Variants in PI15 observed in about 807,000 individuals in gnomAD.
PI15 encodes the protein peptidase inhibitor 15.
PI15 carries 18 observed loss-of-function variants against 31.0 expected under a neutral mutation model. The observed-to-expected ratio is 0.58, with a 90% CI of 0.40 to 0.86. PI15 has a LOEUF of 0.86. PI15 is among the 40% of genes least tolerant of loss of function. The pLI is 0.00. For synonymous variants in PI15, 118 were observed against 119.1 expected (o/e 0.99, Z 0.06); for missense variants, 282 against 328.1 (o/e 0.86, Z 1.09).
At chr8:74,842,281 C>T (rs1810956131) in intron 2 of PI15, among the ~76,000 whole-genome samples, 1 of 152,108 alleles carries the variant, frequency 6.6e-6, no homozygotes, top group South Asian at 2.1e-4. Flanking sequence ...CTCATATAAG[C>T]TCCATGTAAA....
chr8:74,830,542 C>A (rs1387069295), intron 2 of PI15, among the ~76,000 whole-genome samples: 1 of 151,924 alleles, frequency 6.6e-6, no homozygotes, highest in Non-Finnish European at 1.5e-5. Context: ...GAACTATTTG[C>A]CTAGGATGAT....
At chr8:74,839,545 TTCC>T (rs1810915736) in intron 2 of PI15, among the ~76,000 whole-genome samples, 1 of 152,180 alleles carries the variant, frequency 6.6e-6, no homozygotes. Context: ...TTCTTAATTT[TTCC>T]TCATTTTTAA....
chr8:74,834,578 G>C (rs1810834968), intron 2 of PI15, among the ~76,000 whole-genome samples: 1 of 152,146 alleles, frequency 6.6e-6, no homozygotes, highest in South Asian at 2.1e-4. Context: ...GATTTCTGAA[G>C]ATCCTGGAAA....
chr8:74,854,118 CT>C lies in PI15; in HGVS notation c.*4868del, dbSNP rs944474839. On this transcript the variant is annotated 3_prime_UTR_variant, in exon 6 of 6. Transcript: ENST00000260113. ...ACTAATGTATTATTCCATTCAAAGT[CT>C]TTCTAGATTTAAAAATGTATGCAAA... 5.3e-5 allele frequency: 8 copies of C among 151,864 alleles called. No homozygotes were observed. Among genetic ancestry groups the C allele is most frequent in the African/African-American group, 1.9e-4 (8 of 41,396 alleles). 9.4% of individuals were successfully genotyped at this position (151,864 alleles called of 1,614,324 possible).
intron 2 of PI15, among the ~76,000 whole-genome samples, chr8:74,834,319 A>G (rs1309808044): frequency 1.3e-5 from 2 of 152,174 alleles, no homozygotes; most frequent in Admixed American, 6.6e-5. Context: ...GTGGAATCAA[A>G]TCTTTCTCTT....
chr8:74,832,161 GGTTTACA>G (rs1484307927), intron 2 of PI15, among the ~76,000 whole-genome samples: 5 of 152,126 alleles, frequency 3.3e-5, no homozygotes, highest in Non-Finnish European at 1.5e-5. Flanking sequence ...AGGAGTAAGT[GGTTTACA>G]TGATGAAGTA....
intron 2 of PI15, among the ~76,000 whole-genome samples, chr8:74,827,710 CT>C (rs1452186891): frequency 6.6e-6 from 1 of 152,194 alleles, no homozygotes; most frequent in Admixed American, 6.6e-5. Flanking sequence ...GGCAGGACCC[CT>C]GAAGATGTAC....
chr8:74,854,500 C>G lies in PI15; in HGVS notation c.*5247C>G, dbSNP rs1329414321. On this transcript the variant is annotated 3_prime_UTR_variant, in exon 6 of 6. Transcript: ENST00000260113. ...AGCAACATTAATCTAAATGGTTTAG[C>G]TCCCTCTTTTTTCTCTAAAAACAAT... is the stretch of plus-strand genomic sequence containing the variant. The G allele has an allele frequency of 6.6e-6, 1 of 151,998 alleles. No individual in the cohort carries two copies. Among genetic ancestry groups the G allele is most frequent in the East Asian group, 1.9e-4 (1 of 5,182 alleles). The allele number at this position is 151,998 out of a possible 1,614,324, so 9.4% of individuals were successfully genotyped here.
At chr8:74,844,232 G>A (rs898095417) in intron 3 of PI15, 133 bp downstream of exon 3, 3 of 672,840 alleles carry the variant, frequency 4.5e-6, no homozygotes, top group South Asian at 1.8e-5. Context: ...AGGTACTAAC[G>A]CTTGGCCTAT....
intron 2 of PI15, among the ~76,000 whole-genome samples, chr8:74,840,425 A>C (rs531486701): frequency 1.3e-5 from 2 of 152,212 alleles, no homozygotes; most frequent in Admixed American, 6.5e-5. Context: ...GTCAGTTTCA[A>C]ACTTAAAAGA....
intron 2 of PI15, among the ~76,000 whole-genome samples, chr8:74,827,449 T>C (rs1022484882): frequency 6.6e-5 from 10 of 152,280 alleles, no homozygotes; most frequent in Non-Finnish European, 1.5e-5. Context: ...TGCTTCCGTA[T>C]GCCAAGGACT....
At chr8:74,848,732 T>TATATATATATATATAGAGAGAG (rs1191072583) in intron 5 of PI15, among the ~76,000 whole-genome samples, 1 of 136,354 alleles carries the variant, frequency 7.3e-6, no homozygotes, top group African/African-American at 2.8e-5. Context: ...TATATATATA[T>TATATATATATATATAGAGAGAG]AGAGAGAGAG....
At chr8:74,837,098 A>C (rs1006347801) in intron 2 of PI15, among the ~76,000 whole-genome samples, 1 of 152,156 alleles carries the variant, frequency 6.6e-6, no homozygotes, top group African/African-American at 2.4e-5. Flanking sequence ...ATTTACATGA[A>C]AGATAATACT....
intron 3 of PI15, chr8:74,844,923 A>G (rs1811002121): frequency 3.6e-6 from 2 of 548,366 alleles, no homozygotes; most frequent in Non-Finnish European, 6.5e-6. Flanking sequence ...AGAATCACTT[A>G]CTCCAGCCCT....
chr8:74,835,530 TGAAA>T (rs1810850129), intron 2 of PI15, among the ~76,000 whole-genome samples: 1 of 152,198 alleles, frequency 6.6e-6, no homozygotes, highest in Non-Finnish European at 1.5e-5. Flanking sequence ...GTCTATATAC[TGAAA>T]GAATTAATAG....
chr8:74,835,657 G>A (rs1034739909), intron 2 of PI15, among the ~76,000 whole-genome samples: 9 of 152,280 alleles, frequency 5.9e-5, no homozygotes, highest in Admixed American at 2.0e-4. Flanking sequence ...GTGAGCTATA[G>A]ATATCCACAA....
rs1274143115 is a variant in PI15 at position 74,852,406 on chromosome 8, G to A, written c.*3153G>A. Reference sequence around the variant, plus strand: ...AGTCTTAATGTTTCTGGTTATGACAGATAAGTTTGCTCAAAAAATGTGGAT... The same window carrying A: ...AGTCTTAATGTTTCTGGTTATGACAAATAAGTTTGCTCAAAAAATGTGGAT... On this transcript the variant is annotated 3_prime_UTR_variant, in exon 6 of 6. Coordinates refer to ENST00000260113, the MANE Select transcript of PI15 (RefSeq NM_015886.5). The A allele has an allele frequency of 6.6e-6, 1 of 152,050 alleles. No homozygotes were observed. Among genetic ancestry groups the A allele is most frequent in the East Asian group, 1.9e-4 (1 of 5,196 alleles). The allele number at this position is 152,050 out of a possible 1,614,324, so 9.4% of individuals were successfully genotyped here. A position where few individuals can be genotyped will look rare whatever the true frequency, so the allele number is the denominator to read the frequency against.
intron 2 of PI15, among the ~76,000 whole-genome samples, chr8:74,834,589 A>G (rs1810835032): frequency 6.6e-6 from 1 of 152,178 alleles, no homozygotes; most frequent in South Asian, 2.1e-4. Context: ...ATCCTGGAAA[A>G]GGTAAGAAGT....
intron 2 of PI15, among the ~76,000 whole-genome samples, chr8:74,827,370 A>G (rs1810714627): frequency 6.6e-6 from 1 of 152,126 alleles, no homozygotes; most frequent in African/African-American, 2.4e-5. Context: ...AGGTTGAAAA[A>G]AGCCACATTT....
Sources: allele counts gnomAD v4.1 joint callset (sites outside exome capture counted in the v4.1 genomes callset), GRCh38; gene constraint gnomAD v4.1.1; transcripts MANE v1.5; gene names NCBI Gene and HGNC (gene_info 2026-07-23, HGNC 2026-07-21).